The following SEC63 variants were observed in gnomAD, a reference collection of about 807,000 sequenced individuals.
The protein encoded by SEC63 is SEC63 protein translocation regulator.
SEC63 carries 56 observed loss-of-function variants against 116.2 expected under a neutral mutation model. That is an observed-to-expected ratio of 0.48 (90% confidence interval 0.39 to 0.60). The LOEUF (loss-of-function observed/expected upper bound fraction) is 0.60. Among genes scored for constraint, SEC63 ranks in the 20% least tolerant of loss-of-function variants. The probability of loss-of-function intolerance (pLI) is 0.00; values close to 1 mark genes in which losing one functional copy is unlikely to be tolerated. For missense variants in SEC63, 668 were observed against 900.0 expected, an observed-to-expected ratio of 0.74 and a Z score of 3.30; for synonymous variants, 273 against 294.6, an observed-to-expected ratio of 0.93 and a Z score of 0.75.
chr6:107,909,881 A>C (rs918257444), intron 7 of SEC63, among the ~76,000 whole-genome samples: 1 of 152,230 alleles, frequency 6.6e-6, no homozygotes, highest in African/African-American at 2.4e-5. Context: ...CAAGTCACAA[A>C]AGTAACAAAT....
chr6:107,951,410 G>A (rs1034319011), intron 1 of SEC63, among the ~76,000 whole-genome samples: 4 of 152,252 alleles, frequency 2.6e-5, no homozygotes, highest in African/African-American at 9.6e-5. Context: ...TGTTCTGTAA[G>A]TGCTTCTTAG....
At chr6:107,882,137 C>T (rs1562314398) in intron 17 of SEC63, among the ~76,000 whole-genome samples, 2 of 152,158 alleles carry the variant, frequency 1.3e-5, no homozygotes, top group African/African-American at 4.8e-5. Flanking sequence ...TGTTTTCTAC[C>T]ATTCCCAAGG....
intron 18 of SEC63, among the ~76,000 whole-genome samples, chr6:107,880,340 A>G (rs1400672992): frequency 6.6e-6 from 1 of 152,250 alleles, no homozygotes; most frequent in African/African-American, 2.4e-5. Context: ...TGGTGAGCAG[A>G]AGGTTCTGTG....
intron 16 of SEC63, among the ~76,000 whole-genome samples, chr6:107,890,469 C>A (rs186181377): frequency 6.6e-6 from 1 of 152,120 alleles, no homozygotes; most frequent in African/African-American, 2.4e-5. Context: ...TGTCTTTTCA[C>A]GTGAGATGGG....
chr6:107,874,521 G>A (rs1370968343), intron 19 of SEC63, among the ~76,000 whole-genome samples: 9 of 150,556 alleles, frequency 6.0e-5, no homozygotes, highest in South Asian at 2.1e-4. Flanking sequence ...GCGTGAACCC[G>A]GGAGGCGGAG....
intron 1 of SEC63, among the ~76,000 whole-genome samples, chr6:107,945,549 C>T (rs2114512381): frequency 6.6e-6 from 1 of 151,872 alleles, no homozygotes; most frequent in Non-Finnish European, 1.5e-5. Context: ...CGTGATCCAC[C>T]CCCCTCGGCC....
At chr6:107,913,302 T>C in intron 5 of SEC63, 64 bp downstream of exon 5, 1 of 1,023,622 alleles carries the variant, frequency 9.8e-7, no homozygotes, top group Non-Finnish European at 1.5e-6. Flanking sequence ...ATTCCTTTAA[T>C]CTGGTTAACA....
intron 6 of SEC63, 108 bp from the exon 7 acceptor site, chr6:107,911,504 CTCATGTATTA>C: frequency 1.3e-6 from 1 of 758,988 alleles, no homozygotes; most frequent in Non-Finnish European, 2.3e-6. Context: ...AAAAGGATTC[CTCATGTATTA>C]TCTTGTTTAA....
intron 12 of SEC63, among the ~76,000 whole-genome samples, chr6:107,902,309 T>C (rs1411978139): frequency 1.4e-5 from 2 of 139,670 alleles, no homozygotes; most frequent in Non-Finnish European, 2.9e-5. Context: ...TAGTTTTATC[T>C]ATCATATACA....
chr6:107,935,787 T>TA (rs1562336708), intron 1 of SEC63, among the ~76,000 whole-genome samples: 2 of 147,790 alleles, frequency 1.4e-5, no homozygotes, highest in African/African-American at 2.5e-5. Flanking sequence ...AATGATCAAT[T>TA]AAAAAAAATA....
chr6:107,914,287 T>C (rs904871973), intron 4 of SEC63, among the ~76,000 whole-genome samples: 4 of 152,080 alleles, frequency 2.6e-5, no homozygotes, highest in Non-Finnish European at 5.9e-5. Context: ...AATAACATAA[T>C]AAGGAAGACA....
chr6:107,907,432 A>C (rs1297204101), intron 8 of SEC63, among the ~76,000 whole-genome samples: 1 of 151,848 alleles, frequency 6.6e-6, no homozygotes, highest in East Asian at 1.9e-4. Flanking sequence ...AAATACAAAA[A>C]TTAGCCAGGC....
At chr6:107,954,100 CTT>C (rs1444269152) in intron 1 of SEC63, among the ~76,000 whole-genome samples, 5 of 152,066 alleles carry the variant, frequency 3.3e-5, no homozygotes, top group Admixed American at 2.0e-4. Context: ...ACACGGGAGA[CTT>C]TTCATTTTGT....
At chr6:107,898,302 C>T (rs572770307) in intron 13 of SEC63, among the ~76,000 whole-genome samples, 10 of 151,310 alleles carry the variant, frequency 6.6e-5, no homozygotes, top group Non-Finnish European at 1.2e-4. Context: ...AAGTAAAATA[C>T]CCAAACCCAC....
chr6:107,893,644 A>C lies in SEC63; in HGVS notation c.1512T>G (p.Thr504=). ...EQPAEDGQGE[T]NKNRTKGGWQ... is the part of the protein sequence containing the mutation. Reference sequence around the variant, plus strand: ...ATCCTCCTTTTGTCCTGTTCTTGTTAGTTTCACCCTGCTGTGAATCATAAC... The same window carrying C: ...ATCCTCCTTTTGTCCTGTTCTTGTTCGTTTCACCCTGCTGTGAATCATAAC... The change falls in exon 16 of 21, where the codon ACT becomes ACG. Residue 504 remains threonine, a synonymous_variant. Transcript: ENST00000369002. The C allele has an allele frequency of 6.2e-7, 1 of 1,613,094 alleles. No individual in the cohort carries two copies. The highest frequency in any genetic ancestry group is 8.5e-7 in the Non-Finnish European group (1 of 1,179,832).
chr6:107,933,714 C>G (rs1194418143), intron 1 of SEC63, among the ~76,000 whole-genome samples: 1 of 151,508 alleles, frequency 6.6e-6, no homozygotes, highest in African/African-American at 2.4e-5. Context: ...CTCTCCCTCT[C>G]CCCACGGCCC....
At chr6:107,891,273 CTT>C (rs1786675378) in intron 16 of SEC63, among the ~76,000 whole-genome samples, 1 of 151,990 alleles carries the variant, frequency 6.6e-6, no homozygotes, top group Non-Finnish European at 1.5e-5. Context: ...ACTTTTCACT[CTT>C]TTTTCTCTAA....
intron 1 of SEC63, 160 bp downstream of exon 1, chr6:107,957,726 A>G (rs1008183232): frequency 1.6e-6 from 1 of 620,718 alleles, no homozygotes; most frequent in African/African-American, 1.9e-5. Flanking sequence ...AACGCTGCTG[A>G]CCCGGGCCCC....
chr6:107,914,296 C>G (rs1173128560), intron 4 of SEC63, among the ~76,000 whole-genome samples: 2 of 152,088 alleles, frequency 1.3e-5, no homozygotes, highest in Non-Finnish European at 2.9e-5. Flanking sequence ...ATAAGGAAGA[C>G]ATTCTTGGAG....
Sources: allele counts gnomAD v4.1 joint callset (sites outside exome capture counted in the v4.1 genomes callset), GRCh38; gene constraint gnomAD v4.1.1; transcripts MANE v1.5; gene names NCBI Gene and HGNC (gene_info 2026-07-23, HGNC 2026-07-21).